Variants in AFAP1L2 observed in about 807,000 individuals in gnomAD.
AFAP1L2 encodes the protein actin filament-associated protein 1-like 2.
A neutral mutation model predicts 99.3 loss-of-function variants in AFAP1L2; 46 were observed. The observed-to-expected ratio is 0.46, with a 90% CI of 0.37 to 0.59. The LOEUF (loss-of-function observed/expected upper bound fraction) is 0.59. AFAP1L2 is among the 20% of genes least tolerant of loss of function. The probability of loss-of-function intolerance (pLI) is 0.00; values close to 1 mark genes in which losing one functional copy is unlikely to be tolerated. For missense variants in AFAP1L2, 959 were observed against 1,034.9 expected (o/e 0.93, Z 1.01); for synonymous variants, 397 against 419.1 (o/e 0.95, Z 0.64).
Position 114,324,401 on chromosome 10 carries a change from C to G in AFAP1L2, c.316-1140G>C, listed in dbSNP as rs55708313. Among the ~76,000 whole-genome samples the G allele has an allele frequency of 2.9e-3, 176 of 60,872 alleles. 4 individuals are homozygous for G. Among genetic ancestry groups the G allele is most frequent in the African/African-American group, 9.3e-3 (167 of 17,918 alleles). The allele number at this position is 60,872 out of a possible 152,430, so 39.9% of individuals were successfully genotyped here. On this transcript the variant is annotated intron_variant, in intron 4 of 18. Transcript: ENST00000304129. The stretch of plus-strand genomic sequence containing the variant: ...TGGGATTACAGGGGTGCACCACCCC[C>G]CCCCCCCCCCCGGCTAATTTTTGTA...
intron 1 of AFAP1L2, among the ~76,000 whole-genome samples, chr10:114,343,836 C>T (rs560384480): frequency 6.6e-6 from 1 of 152,294 alleles, no homozygotes; most frequent in South Asian, 2.1e-4. Flanking sequence ...TGTGACCAGA[C>T]TTGCTCACCA....
At chr10:114,302,705 A>G (rs1476010254) in intron 11 of AFAP1L2, among the ~76,000 whole-genome samples, 1 of 152,078 alleles carries the variant, frequency 6.6e-6, no homozygotes, top group Non-Finnish European at 1.5e-5. Context: ...CCACCTCAAT[A>G]ATGCTGTGGA....
At chr10:114,319,668 G>C in intron 5 of AFAP1L2, 3 of 1,282,848 alleles carry the variant, frequency 2.3e-6, no homozygotes, top group Non-Finnish European at 2.0e-6. Context: ...CAGGAGCACA[G>C]ACAGAGGGAA....
intron 1 of AFAP1L2, among the ~76,000 whole-genome samples, chr10:114,357,264 C>A (rs2051522841): frequency 6.6e-6 from 1 of 152,214 alleles, no homozygotes; most frequent in African/African-American, 2.4e-5. Context: ...CCTGCCTATG[C>A]TCCTTGCTAT....
At chr10:114,404,568 CG>C (rs1408508413), upstream of AFAP1L2, 39 of 1,358,764 alleles carry the variant, frequency 2.9e-5, no homozygotes, top group Non-Finnish European at 3.6e-5. Context: ...CGCTCGCGGC[CG>C]GACCTCCTGG....
intron 1 of AFAP1L2, among the ~76,000 whole-genome samples, chr10:114,381,882 C>CAG (rs910933872): frequency 2.0e-5 from 3 of 151,988 alleles, no homozygotes; most frequent in Admixed American, 2.0e-4. Flanking sequence ...CACACACACA[C>CAG]ACACAGAGCT....
At chr10:114,345,236 G>A (rs2049373428) in intron 1 of AFAP1L2, among the ~76,000 whole-genome samples, 1 of 151,154 alleles carries the variant, frequency 6.6e-6, no homozygotes. Context: ...GTGGGGGTGG[G>A]CCTCAAAGGG....
chr10:114,371,735 A>G (rs2054134431), intron 1 of AFAP1L2, among the ~76,000 whole-genome samples: 1 of 151,908 alleles, frequency 6.6e-6, no homozygotes, highest in African/African-American at 2.4e-5. Context: ...GGTGCAGCAA[A>G]CCACCATGGC....
rs1005161548 is a variant in AFAP1L2 at position 114,302,096 on chromosome 10, C to T, written c.1430+243G>A. 1.2e-5 allele frequency: 6 copies of T among 521,508 alleles called. No homozygotes were observed. The South Asian group carries it at 1.3e-4, about 11-fold the overall frequency. 32.3% of individuals were successfully genotyped at this position (521,508 alleles called of 1,614,324 possible). A position where few individuals can be genotyped will look rare whatever the true frequency, so the allele number is the denominator to read the frequency against. ...CTGGAGGAGCTGGAGAGTCTAACTG[C>T]CTCTGAGGATGCCAAAGCTGCCCCC... On this transcript the variant is annotated intron_variant, in intron 12 of 18. Transcript: ENST00000304129.
intron 10 of AFAP1L2, among the ~76,000 whole-genome samples, chr10:114,306,232 G>A (rs961816226): frequency 7.5e-6 from 1 of 133,420 alleles, no homozygotes; most frequent in Non-Finnish European, 1.6e-5. Context: ...GATGCAGGAG[G>A]GGGTGCACGT....
intron 10 of AFAP1L2, 152 bp downstream of exon 10, chr10:114,307,653 A>G (rs2042628552): frequency 1.5e-6 from 1 of 647,412 alleles, no homozygotes; most frequent in East Asian, 2.7e-5. Flanking sequence ...TGCAGTAACA[A>G]CAGACGGGAA....
intron 4 of AFAP1L2, chr10:114,325,986 TCCCATCTGGAGAAAAGCTCTGGGCA>T: frequency 7.8e-7 from 1 of 1,288,614 alleles, no homozygotes; most frequent in Non-Finnish European, 1.0e-6. Flanking sequence ...GTCAGGTGGG[TCCCATCTGGAGAAAAGCTCTGGGCA>T]CCCGAGATCT....
At chr10:114,363,011 A>G (rs901103157) in intron 1 of AFAP1L2, 15 of 985,404 alleles carry the variant, frequency 1.5e-5, no homozygotes, top group Middle Eastern at 5.2e-4. Context: ...GGGGAGGGAC[A>G]GCTGCATGGA....
chr10:114,380,942 A>C (rs925448132), intron 1 of AFAP1L2, among the ~76,000 whole-genome samples: 2 of 152,238 alleles, frequency 1.3e-5, no homozygotes, highest in African/African-American at 2.4e-5. Context: ...GGTTTCCCAA[A>C]TGATGAAACA....
intron 1 of AFAP1L2, among the ~76,000 whole-genome samples, chr10:114,399,313 T>A (rs1000145303): frequency 1.3e-5 from 2 of 152,126 alleles, no homozygotes; most frequent in African/African-American, 4.8e-5. Flanking sequence ...CCAAGAGTAA[T>A]GAGGGTACAC....
chr10:114,379,138 G>A lies in AFAP1L2; in HGVS notation c.16+25302C>T, dbSNP rs572682031. On this transcript the variant is annotated intron_variant, in intron 1 of 18. Transcript: ENST00000304129. ...TGAGGCATAAGAATTGGTTGAGCCC[G>A]GGAGATGGAGGTTGTAGTGAGCCGT... 1.6e-3 allele frequency among the ~76,000 whole-genome samples: 237 copies of A among 152,024 alleles called. 8 individuals are homozygous for A. The South Asian group carries it at 0.044, about 28-fold the overall frequency.
chr10:114,363,632 C>G (rs1222155776), intron 1 of AFAP1L2, among the ~76,000 whole-genome samples: 1 of 152,176 alleles, frequency 6.6e-6, no homozygotes, highest in Non-Finnish European at 1.5e-5. Context: ...ATAGATGAAA[C>G]AGGTGGCAGA....
chr10:114,348,222 C>CA (rs2049902853), intron 1 of AFAP1L2, among the ~76,000 whole-genome samples: 1 of 152,032 alleles, frequency 6.6e-6, no homozygotes, highest in Non-Finnish European at 1.5e-5. Context: ...CTTTTTTAAA[C>CA]AAAAAACTTT....
In AFAP1L2 at chr10:114,300,648, T is replaced by G. The variant is rs1053653775; in HGVS notation, c.1585A>C (p.Asn529His). The part of the protein sequence containing the change: ...EEATPVADDP[N>H]ERESDRVYLD... ...TACACTCGGTCAGATTCTCTCTCAT[T>G]TGGGTCATCTGCAACAGGGGTGGCT... The change falls in exon 14 of 19, where the codon AAT (asparagine) becomes CAT (histidine). Residue 529 changes from asparagine to histidine, a missense_variant. Physicochemically the swap from Asn to His is moderately conservative, Grantham distance 68. Coordinates refer to ENST00000304129, the MANE Select transcript of AFAP1L2 (RefSeq NM_001001936.3). 2.5e-6 allele frequency: 4 copies of G among 1,610,362 alleles called. No homozygotes were observed. The highest frequency in any genetic ancestry group is 3.4e-6 in the Non-Finnish European group (4 of 1,177,950).
Sources: gnomAD v4.1 joint callset for allele counts (sites outside exome capture counted in the v4.1 genomes callset) on GRCh38, gnomAD v4.1.1 for gene constraint, MANE v1.5 for transcripts, NCBI Gene and HGNC (gene_info 2026-07-23, HGNC 2026-07-21) for gene names.